Variants in ATG16L1 observed in about 807,000 individuals in gnomAD.
ATG16L1 encodes autophagy related 16 like 1, also known as autophagy-related protein 16-1.
A neutral mutation model predicts 88.5 loss-of-function variants in ATG16L1; 37 were observed. That is an observed-to-expected ratio of 0.42 (90% confidence interval 0.32 to 0.55). The LOEUF (loss-of-function observed/expected upper bound fraction) is 0.55. Ranked by LOEUF, ATG16L1 falls within the 20% of genes least tolerant of loss-of-function variation. ATG16L1 has a pLI of 0.13. For missense variants in ATG16L1, 554 were observed against 752.8 expected (o/e 0.74, Z 3.09); for synonymous variants, 301 against 281.0 (o/e 1.07, Z -0.71).
chr2:233,285,970 GTTAAAAATCT>G (rs1699045533), intron 12 of ATG16L1, among the ~76,000 whole-genome samples: 2 of 152,140 alleles, frequency 1.3e-5, no homozygotes, highest in Non-Finnish European at 2.9e-5. Flanking sequence ...TGATGCCTCC[GTTAAAAATCT>G]AAAGTCAGTA....
At chr2:233,274,885 T>TA in intron 9 of ATG16L1, 107 bp downstream of exon 9, 1 of 766,100 alleles carries the variant, frequency 1.3e-6, no homozygotes, top group Non-Finnish European at 2.1e-6. Context: ...TTGTTTTACT[T>TA]ATATCAAGCC....
chr2:233,263,077 T>C (rs1697328569), intron 2 of ATG16L1, 53 bp from the exon 3 acceptor site: 2 of 1,497,642 alleles, frequency 1.3e-6, no homozygotes, highest in Non-Finnish European at 1.9e-6. Flanking sequence ...AGTCTCATTT[T>C]TCCCCCTCCG....
At chr2:233,276,188 A>T (rs1256105743) in intron 9 of ATG16L1, among the ~76,000 whole-genome samples, 1 of 151,230 alleles carries the variant, frequency 6.6e-6, no homozygotes. Context: ...CAAGCATTTT[A>T]TTTTTTTTTA....
At chr2:233,293,853 T>C (rs905657596) in intron 17 of ATG16L1, among the ~76,000 whole-genome samples, 4 of 152,192 alleles carry the variant, frequency 2.6e-5, no homozygotes, top group African/African-American at 4.8e-5. Context: ...GGAACCCAGA[T>C]ACCATTTTCC....
At chr2:233,288,521 A>G (rs746544914) in intron 12 of ATG16L1, among the ~76,000 whole-genome samples, 12 of 152,192 alleles carry the variant, frequency 7.9e-5, no homozygotes, top group Admixed American at 2.6e-4. Context: ...GGCTCAAGCA[A>G]TCCTCCCACC....
At chr2:233,290,630 T>A (rs1213831924) in intron 14 of ATG16L1, among the ~76,000 whole-genome samples, 2 of 106,458 alleles carry the variant, frequency 1.9e-5, no homozygotes, top group Non-Finnish European at 4.2e-5. Context: ...TAATTTAAAC[T>A]GTAGTAGGGA....
intron 14 of ATG16L1, 31 bp downstream of exon 14, chr2:233,290,384 C>A (rs755265635): frequency 6.5e-7 from 1 of 1,528,190 alleles, no homozygotes; most frequent in South Asian, 1.1e-5. Context: ...ACTGGAGGCA[C>A]ATAAGAGTCT....
chr2:233,264,494 T>G (rs1044394610), intron 4 of ATG16L1, among the ~76,000 whole-genome samples: 2 of 152,102 alleles, frequency 1.3e-5, no homozygotes, highest in African/African-American at 2.4e-5. Flanking sequence ...CTCTGAATCC[T>G]GAGACCTTGG....
intron 5 of ATG16L1, 101 bp downstream of exon 5, chr2:233,265,244 T>A (rs991910835): frequency 3.7e-5 from 53 of 1,418,560 alleles, no homozygotes; most frequent in Non-Finnish European, 4.7e-5. Context: ...ACAGGAGGTT[T>A]ACCAGGGAAT....
chr2:233,271,761 C>G (rs1234500033), intron 6 of ATG16L1, among the ~76,000 whole-genome samples: 2 of 152,232 alleles, frequency 1.3e-5, no homozygotes, highest in East Asian at 1.9e-4. Context: ...AAAGGCTCAG[C>G]TCATATTTGC....
chr2:233,266,913 G>A (rs1261126059), intron 5 of ATG16L1, among the ~76,000 whole-genome samples: 2 of 152,154 alleles, frequency 1.3e-5, no homozygotes, highest in African/African-American at 4.8e-5. Context: ...CTACATGTGG[G>A]GCTAAAAGAA....
chr2:233,268,786 T>C (rs538779998), intron 5 of ATG16L1, among the ~76,000 whole-genome samples: 1 of 152,270 alleles, frequency 6.6e-6, no homozygotes, highest in East Asian at 1.9e-4. Context: ...AAATCAAGAG[T>C]GTAATGCACT....
rs370108729 is a variant in ATG16L1, at chr2:233,275,713, C to T, written c.954+935C>T. On this transcript the variant is annotated intron_variant, in intron 9 of 17. Coordinates refer to ENST00000392017, the MANE Select transcript of ATG16L1 (RefSeq NM_030803.7). The stretch of plus-strand genomic sequence containing the variant: ...CCACTCCTGTGATTCCATGATGCAC[C>T]GGGCACCTGCAGAGGTCGATGATGA... 4.9e-4 allele frequency: 256 copies of T among 517,338 alleles called. 3 individuals carry two copies. Among genetic ancestry groups the T allele is most frequent in the African/African-American group, 3.3e-3 (174 of 52,032 alleles). The allele number at this position is 517,338 out of a possible 1,614,324, so 32.0% of individuals were successfully genotyped here.
chr2:233,275,976 A>G (rs1398021421), intron 9 of ATG16L1: 1 of 518,922 alleles, frequency 1.9e-6, no homozygotes, highest in Non-Finnish European at 3.8e-6. Flanking sequence ...GTGATGGTGC[A>G]TGATCTCAAG....
At chr2:233,256,839 C>G (rs189060703) in intron 2 of ATG16L1, among the ~76,000 whole-genome samples, 17 of 151,916 alleles carry the variant, frequency 1.1e-4, no homozygotes, top group Non-Finnish European at 2.4e-4. Flanking sequence ...ATAGCTGGGT[C>G]TACAGGAACC....
chr2:233,282,893 T>C, intron 12 of ATG16L1, 140 bp downstream of exon 12: 1 of 686,984 alleles, frequency 1.5e-6, no homozygotes, highest in South Asian at 1.8e-5. Flanking sequence ...CTTTCCTCCT[T>C]GGGGAAATCT....
intron 12 of ATG16L1, 99 bp downstream of exon 12, chr2:233,282,852 C>CA (rs1698807786): frequency 9.6e-7 from 1 of 1,044,466 alleles, no homozygotes; most frequent in Non-Finnish European, 1.5e-6. Flanking sequence ...TTTGTTTTCC[C>CA]AAAAATCATG....
chr2:233,279,271 C>G (rs545211278), intron 10 of ATG16L1, among the ~76,000 whole-genome samples: 1 of 152,290 alleles, frequency 6.6e-6, no homozygotes, highest in East Asian at 1.9e-4. Context: ...AAAAATAACA[C>G]TAGAAATATT....
rs1483354629 is a variant in ATG16L1, at chr2:233,294,937, C to T, written c.*587C>T. 6.6e-6 allele frequency: 1 copy of T among 151,428 alleles called. No homozygotes were observed. Among genetic ancestry groups the T allele is most frequent in the South Asian group, 2.1e-4 (1 of 4,734 alleles). 9.4% of individuals were successfully genotyped at this position (151,428 alleles called of 1,614,324 possible). ...CAGAGCTTTCTGGCTCTCTTTCCCC[C>T]ACAAAATTCGACATATTTAAAAATC... On this transcript the variant is annotated 3_prime_UTR_variant, in exon 18 of 18. Transcript: ENST00000392017.
Sources: allele counts gnomAD v4.1 joint callset (sites outside exome capture counted in the v4.1 genomes callset), GRCh38; gene constraint gnomAD v4.1.1; transcripts MANE v1.5; gene names NCBI Gene and HGNC (gene_info 2026-07-23, HGNC 2026-07-21).